The following NFKB1 variants were observed in gnomAD, a reference collection of about 807,000 sequenced individuals.
The protein encoded by NFKB1 is nuclear factor NF-kappa-B p105 subunit.
A neutral mutation model predicts 105.1 loss-of-function variants in NFKB1; 9 were observed. The ratio of observed to expected loss-of-function variants is 0.09; its 90% CI spans 0.05 to 0.15. The LOEUF (loss-of-function observed/expected upper bound fraction) is 0.15, where lower values mean the gene tolerates loss of function less well. Among genes scored for constraint, NFKB1 ranks in the 10% least tolerant of loss-of-function variants. The pLI, the probability that NFKB1 is intolerant of heterozygous loss-of-function variation, is 1.00. For missense variants in NFKB1, 830 were observed against 1,203.7 expected, an observed-to-expected ratio of 0.69 and a Z score of 4.59; for synonymous variants, 440 against 442.2, an observed-to-expected ratio of 1.00 and a Z score of 0.06.
rs111607339 is a variant in NFKB1, at chr4:102,580,652, T to G, written c.835+13T>G. The G allele has an allele frequency of 4.0e-5, 64 of 1,595,486 alleles. No individual in the cohort carries two copies. The highest frequency in any genetic ancestry group is 5.2e-5 in the Non-Finnish European group (60 of 1,163,492). On this transcript the variant is annotated intron_variant, in intron 9 of 23. Coordinates refer to ENST00000226574, the MANE Select transcript of NFKB1 (RefSeq NM_003998.4). ...AAAGTTCAGAAAGGTAAATACATTC[T>G]GTGATCTCTGATCTCAAGAGGTGTG...
At chr4:102,578,071 G>A (rs1725011614) in intron 7 of NFKB1, 4 of 742,260 alleles carry the variant, frequency 5.4e-6, no homozygotes. Flanking sequence ...CTACTACTTG[G>A]TAGGAGCACC....
At chr4:102,539,095 G>T (rs533213885) in intron 5 of NFKB1, among the ~76,000 whole-genome samples, 1 of 151,902 alleles carries the variant, frequency 6.6e-6, no homozygotes, top group Non-Finnish European at 1.5e-5. Context: ...AAATTAGCTG[G>T]GTGTGGTGGT....
At chr4:102,558,738 A>C (rs1308290289) in intron 5 of NFKB1, among the ~76,000 whole-genome samples, 2 of 151,938 alleles carry the variant, frequency 1.3e-5, no homozygotes, top group Non-Finnish European at 2.9e-5. Context: ...GCCACCTTGA[A>C]CTTCTGGGCT....
intron 5 of NFKB1, among the ~76,000 whole-genome samples, chr4:102,548,313 C>T (rs376558401): frequency 2.6e-5 from 4 of 151,976 alleles, no homozygotes; most frequent in Admixed American, 6.6e-5. Context: ...ACAGTCCATG[C>T]GAGGTGTGAG....
chr4:102,508,418 T>C lies in NFKB1; in HGVS notation c.-8+6630T>C, dbSNP rs3774935. ...GCAATGTTAAGAATTAAAATTAAAT[T>C]ACACTTAATTTTTTGCTCAGTTGGA... On this transcript the variant is annotated intron_variant, in intron 1 of 23. Coordinates refer to ENST00000226574, the MANE Select transcript of NFKB1 (RefSeq NM_003998.4). Among the ~76,000 whole-genome samples, 52 of 152,300 alleles carry C rather than the reference T, an allele frequency of 3.4e-4. No individual in the cohort carries two copies. In the East Asian group the frequency reaches 8.9e-3, roughly 26 times the overall value.
chr4:102,536,401 A>T (rs1394905550), intron 4 of NFKB1, among the ~76,000 whole-genome samples: 1 of 152,122 alleles, frequency 6.6e-6, no homozygotes, highest in Non-Finnish European at 1.5e-5. Context: ...CATTAAGGAA[A>T]TTTCCCAGAC....
chr4:102,502,703 C>G (rs986644774), intron 1 of NFKB1, among the ~76,000 whole-genome samples: 2 of 152,094 alleles, frequency 1.3e-5, no homozygotes, highest in Non-Finnish European at 1.5e-5. Context: ...TCAAATGGGA[C>G]TTAATGATAC....
intron 5 of NFKB1, among the ~76,000 whole-genome samples, chr4:102,538,702 A>G (rs1436459266): frequency 1.3e-5 from 2 of 152,206 alleles, no homozygotes; most frequent in Admixed American, 6.5e-5. Context: ...GCTATGTTTC[A>G]TAGACTGACT....
chr4:102,558,624 A>G (rs537732254), intron 5 of NFKB1, among the ~76,000 whole-genome samples: 1 of 152,330 alleles, frequency 6.6e-6, no homozygotes, highest in South Asian at 2.1e-4. Context: ...AGGATACAGC[A>G]GAGAATAAAT....
intron 10 of NFKB1, among the ~76,000 whole-genome samples, chr4:102,584,444 G>A (rs1056960773): frequency 6.6e-6 from 1 of 152,152 alleles, no homozygotes; most frequent in African/African-American, 2.4e-5. Flanking sequence ...AAATAATAAA[G>A]CTTCGTAGTA....
intron 5 of NFKB1, among the ~76,000 whole-genome samples, chr4:102,556,784 T>C (rs1323875413): frequency 6.6e-6 from 1 of 152,158 alleles, no homozygotes; most frequent in Non-Finnish European, 1.5e-5. Flanking sequence ...TCTCATTGGA[T>C]TGTAGAGAAG....
At chr4:102,549,887 C>T (rs1177771497) in intron 5 of NFKB1, among the ~76,000 whole-genome samples, 3 of 152,138 alleles carry the variant, frequency 2.0e-5, no homozygotes, top group Non-Finnish European at 4.4e-5. Context: ...TATTCTTCAG[C>T]ACCTCCAATG....
chr4:102,616,389 A>G (rs1346094176), intron 23 of NFKB1, 45 bp from the exon 24 acceptor site: 2 of 1,604,404 alleles, frequency 1.2e-6, no homozygotes, highest in African/African-American at 1.3e-5. Context: ...TGAGCTTTTT[A>G]GAGCCCGGCC....
chr4:102,586,798 C>G (rs992936187), intron 11 of NFKB1, among the ~76,000 whole-genome samples: 2 of 152,166 alleles, frequency 1.3e-5, no homozygotes, highest in African/African-American at 4.8e-5. Flanking sequence ...GCACCCAGAT[C>G]CTTGCTGAGG....
At chr4:102,557,803 C>T (rs1444206474) in intron 5 of NFKB1, among the ~76,000 whole-genome samples, 3 of 152,064 alleles carry the variant, frequency 2.0e-5, no homozygotes, top group African/African-American at 4.8e-5. Context: ...CCTTAGTTTT[C>T]GAAGGATGAT....
chr4:102,513,987 C>T (rs1739952510), intron 1 of NFKB1, among the ~76,000 whole-genome samples: 1 of 151,850 alleles, frequency 6.6e-6, no homozygotes. Flanking sequence ...TCCTGGCTCA[C>T]ACGGTGAAAC....
At chr4:102,550,980 T>G (rs73834806) in intron 5 of NFKB1, among the ~76,000 whole-genome samples, 3,475 of 152,302 alleles carry the variant, frequency 0.023, 62 homozygotes, top group African/African-American at 0.058. Flanking sequence ...AAAGTCAGGT[T>G]GTTCTATTAA....
chr4:102,513,070 A>C (rs757220682), intron 1 of NFKB1, among the ~76,000 whole-genome samples: 3 of 152,232 alleles, frequency 2.0e-5, no homozygotes, highest in Non-Finnish European at 4.4e-5. Context: ...CAGAGGCTAT[A>C]TATCAAAATT....
intron 9 of NFKB1, among the ~76,000 whole-genome samples, chr4:102,580,954 A>T (rs1409271388): frequency 6.6e-6 from 1 of 152,234 alleles, no homozygotes; most frequent in African/African-American, 2.4e-5. Flanking sequence ...AACAAAAATA[A>T]ATAATAGCCC....
Sources: gnomAD v4.1 joint callset for allele counts (sites outside exome capture counted in the v4.1 genomes callset) on GRCh38, gnomAD v4.1.1 for gene constraint, MANE v1.5 for transcripts, NCBI Gene and HGNC (gene_info 2026-07-23, HGNC 2026-07-21) for gene names.